CRTC1: variants seen among roughly 807,000 people sequenced by gnomAD.
CRTC1 encodes CREB-regulated transcription coactivator 1.
A neutral mutation model predicts 66.1 loss-of-function variants in CRTC1; 18 were observed. That is an observed-to-expected ratio of 0.27 (90% CI 0.19 to 0.40). The LOEUF (loss-of-function observed/expected upper bound fraction) is 0.40, where lower values mean the gene tolerates loss of function less well. Among genes scored for constraint, CRTC1 ranks in the 10% least tolerant of loss-of-function variants. The pLI is 1.00. For missense variants in CRTC1, 669 were observed against 887.9 expected (o/e 0.75, Z 3.13); for synonymous variants, 416 against 398.8 (o/e 1.04, Z -0.51).
intron 1 of CRTC1, among the ~76,000 whole-genome samples, chr19:18,733,856 C>T (rs1331860362): frequency 1.3e-5 from 2 of 152,238 alleles, no homozygotes; most frequent in Non-Finnish European, 2.9e-5. Flanking sequence ...TGGCTCCTGC[C>T]TGTAATCCCA....
At chr19:18,749,995 T>C in intron 5 of CRTC1, 120 bp downstream of exon 5, 1 of 769,428 alleles carries the variant, frequency 1.3e-6, no homozygotes. Context: ...ACTCAGACCA[T>C]GCTGAGGGAT....
At chr19:18,732,234 G>A (rs1384725777) in intron 1 of CRTC1, among the ~76,000 whole-genome samples, 2 of 152,262 alleles carry the variant, frequency 1.3e-5, no homozygotes, top group East Asian at 3.8e-4. Context: ...TTGGAGGTGG[G>A]GCTGTTAGGA....
At chr19:18,746,985 C>T in intron 3 of CRTC1, 68 bp from the exon 4 acceptor site, 11 of 1,506,604 alleles carry the variant, frequency 7.3e-6, no homozygotes, top group Non-Finnish European at 1.0e-5. Flanking sequence ...GCTTCCTGCC[C>T]TGGGCTGAGA....
intron 1 of CRTC1, among the ~76,000 whole-genome samples, chr19:18,696,085 T>C (rs1463548403): frequency 1.3e-5 from 2 of 152,152 alleles, no homozygotes; most frequent in Non-Finnish European, 2.9e-5. Flanking sequence ...TCTGGGCAGC[T>C]GGTGGCGTCC....
intron 1 of CRTC1, among the ~76,000 whole-genome samples, chr19:18,736,232 C>A (rs2053994502): frequency 6.6e-6 from 1 of 152,208 alleles, no homozygotes; most frequent in African/African-American, 2.4e-5. Flanking sequence ...GCCTTCATTC[C>A]AGGGTCCCTC....
intron 1 of CRTC1, among the ~76,000 whole-genome samples, chr19:18,737,205 T>G (rs1236569858): frequency 2.2e-5 from 3 of 137,402 alleles, no homozygotes; most frequent in African/African-American, 2.8e-5. Flanking sequence ...GGGGTGGGGG[T>G]CAGCGGAGGC....
At position 18,760,318 on chromosome 19, in the gene CRTC1, C is replaced by G; in HGVS notation, c.886+90C>G. Reference sequence around the variant, plus strand: ...AGGATGACTTGGCAGAGTCCCGTTCCAAATACTAGGGCATGGGGGACAGGG... The same window carrying G: ...AGGATGACTTGGCAGAGTCCCGTTCGAAATACTAGGGCATGGGGGACAGGG... On this transcript the variant is annotated intron_variant, in intron 8 of 13. Coordinates refer to ENST00000321949, the MANE Select transcript of CRTC1 (RefSeq NM_015321.3). The surrounding 1 kb of genome is among the most constrained non-coding windows in gnomAD (Gnocchi z 6.2). The G allele has an allele frequency of 8.9e-7, 1 of 1,125,894 alleles. No homozygotes were observed. Among genetic ancestry groups the G allele is most frequent in the African/African-American group, 1.5e-5 (1 of 65,284 alleles). The allele number at this position is 1,125,894 out of a possible 1,614,324, so 69.7% of individuals were successfully genotyped here.
At chr19:18,694,987 C>T (rs896234397) in intron 1 of CRTC1, among the ~76,000 whole-genome samples, 15 of 151,906 alleles carry the variant, frequency 9.9e-5, no homozygotes, top group African/African-American at 3.4e-4. Context: ...TCTCCTGCCT[C>T]AGCCTCTCAA....
chr19:18,718,147 T>C (rs2053548208), intron 1 of CRTC1, among the ~76,000 whole-genome samples: 2 of 151,850 alleles, frequency 1.3e-5, no homozygotes, highest in African/African-American at 4.8e-5. Context: ...CCATTAGCAG[T>C]CCCTCCCCTC....
Position 18,771,582 on chromosome 19 carries a change from C to G in CRTC1, c.1425+36C>G. 2 of 1,516,024 alleles carry G rather than the reference C, an allele frequency of 1.3e-6. No homozygotes were observed. The highest frequency in any genetic ancestry group is 1.2e-5 in the South Asian group (1 of 86,462). The allele number at this position is 1,516,024 out of a possible 1,614,324, so 93.9% of individuals were successfully genotyped here. A position where few individuals can be genotyped will look rare whatever the true frequency, so the allele number is the denominator to read the frequency against. Reference sequence around the variant, plus strand: ...CCGCCTCCCCCTTGGCCTGTGGGCTCCACGCTTGTCTTGTTCATGCCCCGT... The same window carrying G: ...CCGCCTCCCCCTTGGCCTGTGGGCTGCACGCTTGTCTTGTTCATGCCCCGT... On this transcript the variant is annotated intron_variant, in intron 11 of 13. Coordinates refer to ENST00000321949, the MANE Select transcript of CRTC1 (RefSeq NM_015321.3). This position sits in a 1 kb window ranked among gnomAD's most constrained non-coding sequence, Gnocchi z 4.6.
In CRTC1 at chr19:18,747,129, A is replaced by ACCCCCCCCCCCCCCCC. The variant is rs56040769; in HGVS notation, c.443+25_443+26insCCCCCCCCCCCCCCCC. 28 of 1,109,946 alleles carry ACCCCCCCCCCCCCCCC rather than the reference A, an allele frequency of 2.5e-5. No homozygotes were observed. The highest frequency in any genetic ancestry group is 2.7e-4 in the Middle Eastern group (1 of 3,712). The allele number at this position is 1,109,946 out of a possible 1,614,324, so 68.8% of individuals were successfully genotyped here. On this transcript the variant is annotated intron_variant, in intron 4 of 13. Transcript: ENST00000321949. ...AGCTGGAGAAGGTCAGTGGCTGGACACCCCCCCCCCGCCCCCTTCTTGTTG... is the reference window on the plus strand; with the variant it reads ...AGCTGGAGAAGGTCAGTGGCTGGACACCCCCCCCCCCCCCCCCCCCCCCCCCGCCCCCTTCTTGTTG...
At chr19:18,731,682 C>T (rs889615342) in intron 1 of CRTC1, among the ~76,000 whole-genome samples, 3 of 152,126 alleles carry the variant, frequency 2.0e-5, no homozygotes, top group Non-Finnish European at 2.9e-5. Flanking sequence ...GCAGGCCCCC[C>T]GCTAGCCCCC....
chr19:18,733,711 G>A (rs770706297), intron 1 of CRTC1, among the ~76,000 whole-genome samples: 3 of 152,238 alleles, frequency 2.0e-5, no homozygotes, highest in Admixed American at 6.5e-5. Context: ...TAAACGTGGG[G>A]ACCCACGGCA....
intron 1 of CRTC1, among the ~76,000 whole-genome samples, chr19:18,723,755 C>G (rs1051625870): frequency 6.6e-6 from 1 of 152,194 alleles, no homozygotes; most frequent in Non-Finnish European, 1.5e-5. Context: ...GGTCAGATGG[C>G]CTGTGGGCAA....
intron 1 of CRTC1, among the ~76,000 whole-genome samples, chr19:18,736,633 G>T (rs867018596): frequency 2.6e-5 from 4 of 152,112 alleles, no homozygotes; most frequent in South Asian, 2.1e-4. Flanking sequence ...GCGACTGGTG[G>T]CTCCGGGAGG....
chr19:18,753,811 C>T (rs974830184), intron 6 of CRTC1, among the ~76,000 whole-genome samples: 1 of 152,038 alleles, frequency 6.6e-6, no homozygotes, highest in Non-Finnish European at 1.5e-5. Flanking sequence ...ACAAAAATTA[C>T]AACCCAGGCT....
In CRTC1 at chr19:18,760,218, C is replaced by T. The variant is rs1319176097; in HGVS notation, c.876C>T (p.Gly292=). 3.1e-6 allele frequency: 5 copies of T among 1,602,050 alleles called. No individual in the cohort carries two copies. The highest frequency in any genetic ancestry group is 2.2e-5 in the South Asian group (2 of 90,330). ...ACCTGACGCACCTGGGCATCGGTGG[C>T]GCCGGCCAGGGTAAGGCAGGGACAC... ...AANLTHLGIG[G]AGQGMSTPGS... The change falls in exon 8 of 14, where the codon GGC becomes GGT. Residue 292 remains glycine (G), a synonymous_variant. Transcript: ENST00000321949. The surrounding 1 kb of genome is among the most constrained non-coding windows in gnomAD (Gnocchi z 6.2).
chr19:18,727,741 A>G (rs941602351), intron 1 of CRTC1, among the ~76,000 whole-genome samples: 4 of 151,872 alleles, frequency 2.6e-5, no homozygotes, highest in Admixed American at 6.6e-5. Flanking sequence ...TTATTTTTTG[A>G]GATGGAGTCT....
At position 18,698,885 on chromosome 19, in the gene CRTC1, G is replaced by A. The variant is rs537482836; in HGVS notation, c.126+15057G>A. On this transcript the variant is annotated intron_variant, in intron 1 of 13. Coordinates refer to ENST00000321949, the MANE Select transcript of CRTC1 (RefSeq NM_015321.3). ...AGTGCACACTGTGTACTCAGTAGGC[G>A]CAGTGTGTGCTCTGCGGGCACTCAG... Among the ~76,000 whole-genome samples, 15 of 149,940 alleles carry A rather than the reference G, an allele frequency of 1.0e-4. 1 individual carries two copies. The South Asian group carries it at 2.3e-3, about 23-fold the overall frequency.
Sources: gnomAD v4.1 joint callset for allele counts (sites outside exome capture counted in the v4.1 genomes callset) on GRCh38, gnomAD v4.1.1 for gene constraint, Gnocchi (gnomAD v3.1) non-coding constraint, MANE v1.5 for transcripts, NCBI Gene and HGNC (gene_info 2026-07-23, HGNC 2026-07-21) for gene names.